The following KCNQ5 variants were observed in gnomAD, a reference collection of about 807,000 sequenced individuals.
The protein encoded by KCNQ5 is potassium voltage-gated channel subfamily Q member 5.
In KCNQ5, 30 loss-of-function variants were observed where a neutral mutation model predicts 98.2. The ratio of observed to expected loss-of-function variants is 0.31; its 90% CI spans 0.23 to 0.41. The LOEUF is 0.41. Among genes scored for constraint, KCNQ5 ranks in the 10% least tolerant of loss-of-function variants. The probability of loss-of-function intolerance (pLI) is 1.00; values close to 1 mark genes in which losing one functional copy is unlikely to be tolerated. For missense variants in KCNQ5, 835 were observed against 1,182.5 expected (o/e 0.71, Z 4.31); for synonymous variants, 458 against 449.4 (o/e 1.02, Z -0.24).
rs77553460 is a variant in KCNQ5 at position 73,079,353 on chromosome 6, A to G, written c.918+1466A>G. Among the ~76,000 whole-genome samples the G allele has an allele frequency of 3.1e-4, 47 of 152,326 alleles. 2 individuals carry two copies. The East Asian group carries it at 6.2e-3, about 20-fold the overall frequency. On this transcript the variant is annotated intron_variant, in intron 5 of 13. Transcript: ENST00000370398. ...TCTAGATTGTTGCCAAAATAAAAAT[A>G]TATCATTTTCTTAAGCTGTGATTTA...
intron 2 of KCNQ5, among the ~76,000 whole-genome samples, chr6:73,017,612 A>G (rs1376952088): frequency 6.6e-6 from 1 of 152,178 alleles, no homozygotes; most frequent in Non-Finnish European, 1.5e-5. Flanking sequence ...TTGACAAACA[A>G]CATTACAGGC....
rs118104553 is a variant in KCNQ5, at chr6:72,758,126, T to C, written c.398+135539T>C. On this transcript the variant is annotated intron_variant, in intron 1 of 13. Transcript: ENST00000370398. ...AGGGGAACACTGAAGATGGAGATCA[T>C]TGGAGGAGGACGGCATTGCAAGCAG... Among the ~76,000 whole-genome samples the C allele has an allele frequency of 4.1e-3, 627 of 151,986 alleles. 6 individuals carry two copies. The highest frequency in any genetic ancestry group is 6.4e-3 in the Non-Finnish European group (437 of 67,970).
At chr6:73,037,306 A>G (rs1004309878) in intron 2 of KCNQ5, among the ~76,000 whole-genome samples, 1 of 152,130 alleles carries the variant, frequency 6.6e-6, no homozygotes, top group African/African-American at 2.4e-5. Context: ...ATTTTCTCCC[A>G]GTCTATGGCT....
chr6:72,821,563 A>G (rs774064604), intron 1 of KCNQ5, among the ~76,000 whole-genome samples: 46 of 151,904 alleles, frequency 3.0e-4, no homozygotes, highest in Non-Finnish European at 6.6e-4. Flanking sequence ...CTCCTTCTGA[A>G]TAGTATTTGT....
intron 1 of KCNQ5, among the ~76,000 whole-genome samples, chr6:72,657,037 TG>T (rs1196945709): frequency 1.3e-5 from 2 of 152,044 alleles, no homozygotes; most frequent in Admixed American, 1.3e-4. Context: ...ACTCCATCTC[TG>T]CAAAAATAAA....
At chr6:73,153,008 T>C (rs1398666197) in intron 10 of KCNQ5, among the ~76,000 whole-genome samples, 1 of 152,202 alleles carries the variant, frequency 6.6e-6, no homozygotes, top group Non-Finnish European at 1.5e-5. Context: ...TGAACTCTCA[T>C]CTAAAGATTT....
intron 6 of KCNQ5, 80 bp downstream of exon 6, chr6:73,105,447 C>A: frequency 1.3e-6 from 1 of 762,526 alleles, no homozygotes; most frequent in Non-Finnish European, 2.1e-6. Flanking sequence ...AATTCGTATG[C>A]TTGGGAACAT....
intron 1 of KCNQ5, among the ~76,000 whole-genome samples, chr6:72,970,820 C>A (rs1767853662): frequency 6.6e-6 from 1 of 152,164 alleles, no homozygotes; most frequent in African/African-American, 2.4e-5. Context: ...AACTGGATCC[C>A]TTCCTTACAC....
At chr6:72,632,068 A>C (rs1351225417) in intron 1 of KCNQ5, among the ~76,000 whole-genome samples, 3 of 151,908 alleles carry the variant, frequency 2.0e-5, no homozygotes, top group Admixed American at 2.0e-4. Context: ...AGAGCCACAC[A>C]TGCTTAGCCA....
intron 5 of KCNQ5, among the ~76,000 whole-genome samples, chr6:73,102,262 A>C (rs1231949027): frequency 6.6e-6 from 1 of 152,196 alleles, no homozygotes; most frequent in African/African-American, 2.4e-5. Flanking sequence ...AAATGGGATT[A>C]AAAAGTTAAA....
intron 1 of KCNQ5, among the ~76,000 whole-genome samples, chr6:72,837,544 A>G (rs1389177369): frequency 6.6e-6 from 1 of 152,202 alleles, no homozygotes; most frequent in African/African-American, 2.4e-5. Flanking sequence ...GAGAAAATAT[A>G]CATGGTAATG....
chr6:73,026,129 C>G (rs1255552795), intron 2 of KCNQ5, among the ~76,000 whole-genome samples: 1 of 152,186 alleles, frequency 6.6e-6, no homozygotes, highest in Non-Finnish European at 1.5e-5. Flanking sequence ...GATCTTCTGT[C>G]TCTACCAAAA....
intron 1 of KCNQ5, among the ~76,000 whole-genome samples, chr6:72,757,229 G>A (rs1772017320): frequency 6.6e-6 from 1 of 152,072 alleles, no homozygotes; most frequent in Non-Finnish European, 1.5e-5. Flanking sequence ...ATGTGAATCA[G>A]ATCTAATCAT....
At chr6:72,880,136 A>G (rs1487638193) in intron 1 of KCNQ5, among the ~76,000 whole-genome samples, 1 of 152,238 alleles carries the variant, frequency 6.6e-6, no homozygotes, top group Non-Finnish European at 1.5e-5. Flanking sequence ...GACAGAATTT[A>G]TAGAAAAATT....
chr6:72,709,033 T>C (rs1769228906), intron 1 of KCNQ5, among the ~76,000 whole-genome samples: 1 of 152,140 alleles, frequency 6.6e-6, no homozygotes, highest in South Asian at 2.1e-4. Context: ...AATTCCAAAA[T>C]AATCTAAATA....
At chr6:73,177,057 A>G (rs1236623948) in intron 11 of KCNQ5, among the ~76,000 whole-genome samples, 1 of 152,234 alleles carries the variant, frequency 6.6e-6, no homozygotes, top group Non-Finnish European at 1.5e-5. Context: ...AGAGCGTGAC[A>G]GAAGAGAAGC....
chr6:72,663,872 T>A (rs1766650773), intron 1 of KCNQ5, among the ~76,000 whole-genome samples: 1 of 152,214 alleles, frequency 6.6e-6, no homozygotes, highest in Non-Finnish European at 1.5e-5. Context: ...TGTCCTCCGC[T>A]TTAAATCTTC....
At chr6:72,916,051 T>A (rs1780122799) in intron 1 of KCNQ5, among the ~76,000 whole-genome samples, 1 of 152,202 alleles carries the variant, frequency 6.6e-6, no homozygotes, top group South Asian at 2.1e-4. Context: ...CTCTGATAGA[T>A]AATCTTGGGG....
intron 1 of KCNQ5, among the ~76,000 whole-genome samples, chr6:72,829,133 T>A (rs966248661): frequency 6.6e-6 from 1 of 152,208 alleles, no homozygotes; most frequent in East Asian, 1.9e-4. Context: ...CACAGTACTG[T>A]GGCTCTCCAG....
Sources: allele counts gnomAD v4.1 joint callset (sites outside exome capture counted in the v4.1 genomes callset), GRCh38; gene constraint gnomAD v4.1.1; transcripts MANE v1.5; gene names NCBI Gene and HGNC (gene_info 2026-07-23, HGNC 2026-07-21).